ACTL8: variants seen among roughly 807,000 people sequenced by gnomAD.
ACTL8 encodes actin like 8.
A neutral mutation model predicts 9.3 loss-of-function variants in ACTL8; 3 were observed. The observed-to-expected ratio is 0.32, with a 90% CI of 0.15 to 0.83. The LOEUF is 0.83. Among genes scored for constraint, ACTL8 ranks in the 40% least tolerant of loss-of-function variants. The pLI is 0.57. For missense variants in ACTL8, 381 were observed against 492.2 expected (o/e 0.77, Z 2.14); for synonymous variants, 224 against 205.9 (o/e 1.09, Z -0.75).
intron 1 of ACTL8, among the ~76,000 whole-genome samples, chr1:17,811,258 A>G (rs2066391677): frequency 2.0e-5 from 3 of 152,184 alleles, no homozygotes; most frequent in Non-Finnish European, 4.4e-5. Flanking sequence ...ATGAAGTGTG[A>G]AAATCTTTGG....
At chr1:17,795,052 A>G (rs1570022411) in intron 1 of ACTL8, among the ~76,000 whole-genome samples, 2 of 152,318 alleles carry the variant, frequency 1.3e-5, no homozygotes, top group Admixed American at 1.3e-4. Context: ...TTTCACTTTC[A>G]TGTTCAAATA....
At chr1:17,775,562 G>T (rs1337237771) in intron 1 of ACTL8, among the ~76,000 whole-genome samples, 1 of 152,178 alleles carries the variant, frequency 6.6e-6, no homozygotes, top group Non-Finnish European at 1.5e-5. Flanking sequence ...ACCATCACAG[G>T]CCTGGACCAG....
intron 1 of ACTL8, among the ~76,000 whole-genome samples, chr1:17,813,365 T>G (rs2124185094): frequency 6.6e-6 from 1 of 152,352 alleles, no homozygotes; most frequent in East Asian, 1.9e-4. Flanking sequence ...TTCTATCCAT[T>G]GATTTTTTTT....
Position 17,780,509 on chromosome 1 carries a change from A to G in ACTL8, c.-25+25005A>G, listed in dbSNP as rs117962352. On this transcript the variant is annotated intron_variant, in intron 1 of 2. Transcript: ENST00000375406. ...GGCGTCATCTCTGGGGCTCTTGTGA[A>G]ATTATTTTAAGACCGTGGAAAACAA... 2.0e-3 allele frequency among the ~76,000 whole-genome samples: 312 copies of G among 152,258 alleles called. 9 individuals are homozygous for G. The East Asian group carries it at 0.051, about 25-fold the overall frequency.
chr1:17,809,622 A>T (rs765471730), intron 1 of ACTL8, among the ~76,000 whole-genome samples: 3 of 152,058 alleles, frequency 2.0e-5, no homozygotes, highest in African/African-American at 7.2e-5. Context: ...TTAGATTCTC[A>T]TAGGAACATG....
rs760320099 is a variant in ACTL8, at chr1:17,826,033, C to T, written c.615C>T (p.Ala205=). ...GCCTGTTTCAGCTGGAGACAGTCGC[C>T]GTGACTCAGATGAACAAGTGCTACG... is the stretch of plus-strand genomic sequence containing the variant. ...RRCLFQLETV[A]VTQMNKCYVP... Residue 205 remains alanine, a synonymous_variant, in exon 3 of 3, where the codon GCC becomes GCT. Transcript: ENST00000375406. This position sits in a 1 kb window ranked among gnomAD's most constrained non-coding sequence, Gnocchi z 4.5. 8.1e-6 allele frequency: 13 copies of T among 1,606,410 alleles called. No individual in the cohort carries two copies. Among genetic ancestry groups the T allele is most frequent in the East Asian group, 2.2e-5 (1 of 44,892 alleles).
At chr1:17,785,983 G>A (rs1344272491) in intron 1 of ACTL8, among the ~76,000 whole-genome samples, 2 of 152,156 alleles carry the variant, frequency 1.3e-5, no homozygotes, top group African/African-American at 4.8e-5. Context: ...TGGATTGCTG[G>A]CAGGATTCAT....
intron 1 of ACTL8, among the ~76,000 whole-genome samples, chr1:17,762,857 C>T (rs2066016865): frequency 6.6e-6 from 1 of 152,130 alleles, no homozygotes; most frequent in African/African-American, 2.4e-5. Context: ...TTCTGCGTGG[C>T]CTCCCGGGGA....
chr1:17,821,368 G>A (rs1053916592), intron 1 of ACTL8, among the ~76,000 whole-genome samples: 6 of 152,160 alleles, frequency 3.9e-5, no homozygotes, highest in Non-Finnish European at 8.8e-5. Flanking sequence ...TCTCCTAGGT[G>A]TTCTTTTAGA....
At chr1:17,792,930 G>C (rs114604375) in intron 1 of ACTL8, among the ~76,000 whole-genome samples, 1 of 152,280 alleles carries the variant, frequency 6.6e-6, no homozygotes, top group South Asian at 2.1e-4. Flanking sequence ...CTCTCTCTCT[G>C]GGGTGTGGGA....
intron 1 of ACTL8, among the ~76,000 whole-genome samples, chr1:17,759,314 G>A (rs1162856759): frequency 1.3e-5 from 2 of 152,236 alleles, no homozygotes; most frequent in African/African-American, 2.4e-5. Context: ...TCTGCTTCCT[G>A]GTTGCCACGT....
At chr1:17,785,534 C>G (rs137945213) in intron 1 of ACTL8, among the ~76,000 whole-genome samples, 1 of 152,350 alleles carries the variant, frequency 6.6e-6, no homozygotes, top group African/African-American at 2.4e-5. Flanking sequence ...GAGCAGTTGA[C>G]AGCACAGATG....
intron 1 of ACTL8, among the ~76,000 whole-genome samples, chr1:17,764,582 C>CA (rs1417349351): frequency 5.3e-5 from 8 of 151,682 alleles, no homozygotes; most frequent in Non-Finnish European, 1.2e-4. Flanking sequence ...GGGCACCCCC[C>CA]CACAGCATCT....
At chr1:17,771,118 C>T (rs1438310857) in intron 1 of ACTL8, among the ~76,000 whole-genome samples, 1 of 152,142 alleles carries the variant, frequency 6.6e-6, no homozygotes, top group Non-Finnish European at 1.5e-5. Flanking sequence ...ACATTTTGGG[C>T]TTTGTGGGCC....
chr1:17,805,990 G>A (rs769171576), intron 1 of ACTL8, among the ~76,000 whole-genome samples: 2 of 152,194 alleles, frequency 1.3e-5, no homozygotes, highest in Non-Finnish European at 2.9e-5. Context: ...ATGTGTCCTG[G>A]ACATTGGTGT....
In ACTL8 at chr1:17,807,765, G is replaced by A. The variant is rs186026465; in HGVS notation, c.-24-15220G>A. ...AAGATCAGAAAACCAAACACCACACGTTCTCACTCATAAGTGGGAGTTGAA... is the reference window on the plus strand; with the variant it reads ...AAGATCAGAAAACCAAACACCACACATTCTCACTCATAAGTGGGAGTTGAA... On this transcript the variant is annotated intron_variant, in intron 1 of 2. Transcript: ENST00000375406. 2.2e-3 allele frequency among the ~76,000 whole-genome samples: 330 copies of A among 151,696 alleles called. 2 individuals are homozygous for A. The highest frequency in any genetic ancestry group is 0.01 in the Middle Eastern group (3 of 292).
chr1:17,773,450 A>G (rs1292559219), intron 1 of ACTL8, among the ~76,000 whole-genome samples: 1 of 152,270 alleles, frequency 6.6e-6, no homozygotes, highest in Non-Finnish European at 1.5e-5. Context: ...CGCAGCAAGC[A>G]TTAACAAATG....
At chr1:17,764,473 T>C (rs1307667142) in intron 1 of ACTL8, among the ~76,000 whole-genome samples, 2 of 152,180 alleles carry the variant, frequency 1.3e-5, no homozygotes, top group Admixed American at 1.3e-4. Flanking sequence ...CTGTTAGGCA[T>C]GGTCAGGAAT....
At chr1:17,798,552 GGAGTTCTGTTTTAA>G (rs1462195779) in intron 1 of ACTL8, among the ~76,000 whole-genome samples, 1 of 152,172 alleles carries the variant, frequency 6.6e-6, no homozygotes, top group East Asian at 1.9e-4. Context: ...AGTTTTCTTG[GGAGTTCTGTTTTAA>G]GATTTTAGTC....
Sources: allele counts gnomAD v4.1 joint callset (sites outside exome capture counted in the v4.1 genomes callset), GRCh38; gene constraint gnomAD v4.1.1; non-coding constraint Gnocchi (gnomAD v3.1); transcripts MANE v1.5; gene names NCBI Gene and HGNC (gene_info 2026-07-23, HGNC 2026-07-21).